SH2D4B: variants seen among roughly 807,000 people sequenced by gnomAD.
SH2D4B encodes the protein SH2 domain-containing protein 4B.
Under a neutral mutation model 61.5 loss-of-function variants are expected in SH2D4B, and 45 were observed. The observed-to-expected ratio is 0.73, with a 90% confidence interval of 0.58 to 0.94. The LOEUF (loss-of-function observed/expected upper bound fraction) is 0.94, where lower values mean the gene tolerates loss of function less well. SH2D4B is among the 40% of genes least tolerant of loss of function. The probability of loss-of-function intolerance (pLI) is 0.00; values close to 1 mark genes in which losing one functional copy is unlikely to be tolerated. For synonymous variants in SH2D4B, 224 were observed against 220.4 expected, an observed-to-expected ratio of 1.02 and a Z score of -0.14; for missense variants, 572 against 574.2, an observed-to-expected ratio of 1.00 and a Z score of 0.04.
chr10:80,604,866 C>T (rs541934685), intron 5 of SH2D4B, among the ~76,000 whole-genome samples: 19 of 152,012 alleles, frequency 1.2e-4, no homozygotes, highest in African/African-American at 3.9e-4. Flanking sequence ...TGATCTCAGC[C>T]CACTGCAAGC....
intron 1 of SH2D4B, among the ~76,000 whole-genome samples, chr10:80,544,995 C>G (rs1223778050): frequency 1.3e-5 from 2 of 152,222 alleles, no homozygotes; most frequent in East Asian, 3.8e-4. Context: ...CACCCACTCG[C>G]AATGAGCCCC....
At position 80,571,532 on chromosome 10, in the gene SH2D4B, G is replaced by A; in HGVS notation, c.449G>A (p.Arg150His). Reference sequence around the variant, plus strand: ...AAGTGGAAAGTGGAGATGGAAGACCGCAAGGCTGCCAAAGTCCTGGAGGAA... The same window carrying A: ...AAGTGGAAAGTGGAGATGGAAGACCACAAGGCTGCCAAAGTCCTGGAGGAA... ...AEKWKVEMED[R>H]KAAKVLEERI... Residue 150 changes from arginine to histidine, a missense_variant, in exon 3 of 8, where the codon CGC becomes CAC. Coordinates refer to ENST00000646907, the MANE Select transcript of SH2D4B (RefSeq NM_001388272.1). 1.2e-6 allele frequency: 2 copies of A among 1,614,020 alleles called. No homozygotes were observed. Among genetic ancestry groups the A allele is most frequent in the Non-Finnish European group, 1.7e-6 (2 of 1,179,982 alleles).
At chr10:80,619,618 C>T (rs1842695774) in intron 6 of SH2D4B, among the ~76,000 whole-genome samples, 1 of 152,380 alleles carries the variant, frequency 6.6e-6, no homozygotes, top group Admixed American at 6.5e-5. Flanking sequence ...CAAGGCCTGG[C>T]TGCAGCAGCC....
intron 6 of SH2D4B, among the ~76,000 whole-genome samples, chr10:80,630,279 C>A (rs1162364159): frequency 1.3e-5 from 2 of 152,052 alleles, no homozygotes; most frequent in Non-Finnish European, 2.9e-5. Flanking sequence ...CTGGAAGCAC[C>A]CTAGGGAGAA....
chr10:80,624,408 GC>G (rs1842749671), intron 6 of SH2D4B, among the ~76,000 whole-genome samples: 1 of 152,114 alleles, frequency 6.6e-6, no homozygotes, highest in African/African-American at 2.4e-5. Context: ...TTCCTGTCTG[GC>G]AGGGACCTTC....
chr10:80,632,449 GA>G (rs1842843167), intron 6 of SH2D4B, among the ~76,000 whole-genome samples: 2 of 152,034 alleles, frequency 1.3e-5, no homozygotes, highest in African/African-American at 2.4e-5. Flanking sequence ...TTGTTTAAAA[GA>G]AAAAAAGTTG....
chr10:80,574,225 C>G (rs1030660817), intron 3 of SH2D4B, among the ~76,000 whole-genome samples: 1 of 152,228 alleles, frequency 6.6e-6, no homozygotes, highest in Admixed American at 6.5e-5. Context: ...TAACCCCTGT[C>G]TCCTGGGCTT....
At chr10:80,556,063 A>T (rs541300447) in intron 1 of SH2D4B, among the ~76,000 whole-genome samples, 2 of 152,050 alleles carry the variant, frequency 1.3e-5, no homozygotes, top group African/African-American at 2.4e-5. Context: ...GAGTATATAT[A>T]CATATATGAC....
At chr10:80,549,203 T>TTGTGTG (rs1554874982) in intron 1 of SH2D4B, among the ~76,000 whole-genome samples, 9 of 120,298 alleles carry the variant, frequency 7.5e-5, no homozygotes, top group South Asian at 2.7e-4. Flanking sequence ...TGGGACTTGA[T>TTGTGTG]TGTGTGTGTG....
At chr10:80,595,025 TA>T (rs150160752) in intron 4 of SH2D4B, among the ~76,000 whole-genome samples, 18,237 of 150,534 alleles carry the variant, frequency 0.12, 1,235 homozygotes, top group East Asian at 0.25. Context: ...AAACAGCGTC[TA>T]AAAAAAAAAT....
At position 80,634,480 on chromosome 10, in the gene SH2D4B, T is replaced by A. The variant is rs1347756487; in HGVS notation, c.1184T>A (p.Leu395His). ...LGVDPNRHATLTDLVDFHKEE... is the reference protein window; with the variant it reads ...LGVDPNRHATHTDLVDFHKEE... ...GTGGACCCCAATCGCCATGCAACGC[T>A]CACGGATCTCGTTGATTTCCATAAG... is the stretch of plus-strand genomic sequence containing the variant. The change falls in exon 7 of 8, where the codon CTC (leucine) becomes CAC (histidine). Residue 395 changes from leucine to histidine, a missense_variant. By Grantham distance (99) the Leu-to-His change is moderately conservative (BLOSUM62 -3). Coordinates refer to ENST00000646907, the MANE Select transcript of SH2D4B (RefSeq NM_001388272.1). The A allele has an allele frequency of 1.2e-5, 19 of 1,550,294 alleles. No individual in the cohort carries two copies. Among genetic ancestry groups the A allele is most frequent in the Non-Finnish European group, 1.7e-5 (19 of 1,146,950 alleles).
chr10:80,609,517 G>C lies in SH2D4B; in HGVS notation c.954G>C (p.Glu318Asp). 1 of 1,614,232 alleles carries C rather than the reference G, an allele frequency of 6.2e-7. No individual in the cohort carries two copies. Among genetic ancestry groups the C allele is most frequent in the Non-Finnish European group, 8.5e-7 (1 of 1,180,048 alleles). Residue 318 changes from glutamate (E) to aspartate (D), a missense_variant, in exon 6 of 8, where the codon GAG becomes GAC. Glu to Asp is a conservative substitution (Grantham distance 45). Coordinates refer to ENST00000646907, the MANE Select transcript of SH2D4B (RefSeq NM_001388272.1). Reference sequence around the variant, plus strand: ...AGCTGCCTCGCCGAGCTGGCTTCGAGAGGAACACCAAGTTCATCGCCCCCT... The same window carrying C: ...AGCTGCCTCGCCGAGCTGGCTTCGACAGGAACACCAAGTTCATCGCCCCCT... ...EEQLPRRAGFERNTKFIAPWF... is the reference protein window; with the variant it reads ...EEQLPRRAGFDRNTKFIAPWF...
chr10:80,575,287 T>C (rs1842111939), intron 3 of SH2D4B, among the ~76,000 whole-genome samples: 1 of 151,966 alleles, frequency 6.6e-6, no homozygotes, highest in East Asian at 1.9e-4. Flanking sequence ...TTGCTATTGT[T>C]TTACTAAACA....
At chr10:80,596,117 C>T (rs1349042491) in intron 4 of SH2D4B, among the ~76,000 whole-genome samples, 1 of 152,194 alleles carries the variant, frequency 6.6e-6, no homozygotes, top group Non-Finnish European at 1.5e-5. Context: ...TATACAAATG[C>T]AACATTGTGG....
intron 6 of SH2D4B, among the ~76,000 whole-genome samples, chr10:80,630,264 C>G (rs995959694): frequency 1.3e-5 from 2 of 152,152 alleles, no homozygotes; most frequent in Admixed American, 1.3e-4. Flanking sequence ...GTGCCCTGCC[C>G]TTGACTGGAA....
At chr10:80,615,932 A>G (rs1842654648) in intron 6 of SH2D4B, among the ~76,000 whole-genome samples, 1 of 152,228 alleles carries the variant, frequency 6.6e-6, no homozygotes, top group Admixed American at 6.5e-5. Flanking sequence ...GTGTCATGCA[A>G]TAAATGCTTT....
chr10:80,554,936 G>A (rs547151231), intron 1 of SH2D4B, among the ~76,000 whole-genome samples: 1 of 148,832 alleles, frequency 6.7e-6, no homozygotes, highest in Admixed American at 6.8e-5. Flanking sequence ...GTGAACCCAG[G>A]AGGCGGAGGT....
At chr10:80,603,934 T>C (rs1842485141) in intron 5 of SH2D4B, 139 bp downstream of exon 5, 1 of 700,112 alleles carries the variant, frequency 1.4e-6, no homozygotes, top group Non-Finnish European at 2.3e-6. Context: ...ACTTCAGCCC[T>C]AGTCTAGGGT....
At chr10:80,557,921 G>T (rs1841858522) in intron 1 of SH2D4B, among the ~76,000 whole-genome samples, 1 of 151,864 alleles carries the variant, frequency 6.6e-6, no homozygotes, top group South Asian at 2.1e-4. Context: ...TCTTAGTGTG[G>T]GAGCTTAGAC....
Sources: gnomAD v4.1 joint callset for allele counts (sites outside exome capture counted in the v4.1 genomes callset) on GRCh38, gnomAD v4.1.1 for gene constraint, MANE v1.5 for transcripts, NCBI Gene and HGNC (gene_info 2026-07-23, HGNC 2026-07-21) for gene names.